Variants in MGAT4C observed in about 807,000 individuals in gnomAD.
MGAT4C encodes the protein MGAT4 family member C, also known as alpha-1,3-mannosyl-glycoprotein 4-beta-N-acetylglucosaminyltransferase C.
A neutral mutation model predicts 40.1 loss-of-function variants in MGAT4C; 19 were observed. That is an observed-to-expected ratio of 0.47 (90% CI 0.33 to 0.70). The LOEUF is 0.70. MGAT4C is among the 30% of genes least tolerant of loss of function. The probability of loss-of-function intolerance (pLI) is 0.02; values close to 1 mark genes in which losing one functional copy is unlikely to be tolerated. For synonymous variants in MGAT4C, 181 were observed against 187.1 expected (o/e 0.97, Z 0.27); for missense variants, 491 against 563.2 (o/e 0.87, Z 1.30).
intron 3 of MGAT4C, among the ~76,000 whole-genome samples, chr12:86,388,746 A>G (rs1956111183): frequency 7.5e-6 from 1 of 133,170 alleles, no homozygotes; most frequent in South Asian, 2.3e-4. Context: ...CAGTGGTATG[A>G]TCTTGGCTCA....
chr12:86,423,148 T>C (rs1956860451), intron 3 of MGAT4C, among the ~76,000 whole-genome samples: 1 of 152,134 alleles, frequency 6.6e-6, no homozygotes, highest in Non-Finnish European at 1.5e-5. Context: ...AAATTATTCT[T>C]AATTTTATTA....
At chr12:86,292,135 A>G (rs1055886897) in intron 4 of MGAT4C, among the ~76,000 whole-genome samples, 2 of 152,184 alleles carry the variant, frequency 1.3e-5, no homozygotes, top group Non-Finnish European at 2.9e-5. Context: ...GGAAGGAATT[A>G]GCAACAGATG....
rs111580766 is a variant in MGAT4C at position 86,061,705 on chromosome 12, T to C, written c.-56-11982A>G. On this transcript the variant is annotated intron_variant, in intron 1 of 4. Transcript: ENST00000611864. ...TGGTGAGGGAAGGGGCATCCGCCAT[T>C]ACTGAGGCTTGAGTAGGCAGTTTTA... Among the ~76,000 whole-genome samples the C allele has an allele frequency of 3.6e-3, 543 of 152,218 alleles. 3 individuals carry two copies. The highest frequency in any genetic ancestry group is 0.013 in the African/African-American group (520 of 41,566).
intron 1 of MGAT4C, among the ~76,000 whole-genome samples, chr12:86,216,884 A>T (rs1047912021): frequency 6.6e-6 from 1 of 152,182 alleles, no homozygotes; most frequent in Admixed American, 6.5e-5. Flanking sequence ...TTTGTATTAC[A>T]AATTTTTTTT....
chr12:86,500,563 T>G (rs1958322878), intron 2 of MGAT4C, among the ~76,000 whole-genome samples: 1 of 151,972 alleles, frequency 6.6e-6, no homozygotes, highest in Non-Finnish European at 1.5e-5. Context: ...CTTTATTTAT[T>G]AAATACATTA....
chr12:86,316,198 C>A (rs987805233), intron 4 of MGAT4C, among the ~76,000 whole-genome samples: 1 of 149,592 alleles, frequency 6.7e-6, no homozygotes, highest in Non-Finnish European at 1.5e-5. Flanking sequence ...ATGGCCATCA[C>A]TAAAATGTCA....
chr12:86,599,158 C>T (rs573387848), intron 2 of MGAT4C, among the ~76,000 whole-genome samples: 4 of 152,098 alleles, frequency 2.6e-5, no homozygotes, highest in Non-Finnish European at 5.9e-5. Flanking sequence ...TATTTATCAA[C>T]CTTAGAAGCT....
At chr12:86,551,332 G>A (rs11103988) in intron 2 of MGAT4C, among the ~76,000 whole-genome samples, 8,370 of 152,248 alleles carry the variant, frequency 0.055, 355 homozygotes, top group East Asian at 0.19. Flanking sequence ...CAGCCAAGCA[G>A]CCTTGCACAT....
intron 3 of MGAT4C, among the ~76,000 whole-genome samples, chr12:86,391,717 G>T (rs1235845020): frequency 6.6e-6 from 1 of 152,056 alleles, no homozygotes; most frequent in African/African-American, 2.4e-5. Context: ...AAAATTAGCT[G>T]GGCATGGTGG....
chr12:86,276,797 T>C (rs1350796449), intron 4 of MGAT4C, among the ~76,000 whole-genome samples: 2 of 152,200 alleles, frequency 1.3e-5, no homozygotes, highest in African/African-American at 4.8e-5. Context: ...GCTACTCCAT[T>C]GTGTATACAT....
chr12:86,552,026 C>CAAAAAAAAAAAAA (rs201076856), intron 2 of MGAT4C, among the ~76,000 whole-genome samples: 7 of 60,656 alleles, frequency 1.2e-4, no homozygotes, highest in Non-Finnish European at 2.4e-4. Flanking sequence ...TTAAAAAAAG[C>CAAAAAAAAAAAAA]AAAAAAAAAA....
At chr12:86,462,742 T>C (rs755730866) in intron 2 of MGAT4C, among the ~76,000 whole-genome samples, 1 of 151,810 alleles carries the variant, frequency 6.6e-6, no homozygotes, top group Non-Finnish European at 1.5e-5. Context: ...GAACTTAGAG[T>C]CTGATGTTTG....
intron 3 of MGAT4C, among the ~76,000 whole-genome samples, chr12:86,375,586 C>T (rs1231941304): frequency 6.6e-6 from 1 of 151,742 alleles, no homozygotes; most frequent in Non-Finnish European, 1.5e-5. Context: ...CAAATTCTTC[C>T]AAACTAGGAT....
rs117558092 is a variant in MGAT4C at position 85,993,909 on chromosome 12, G to C, written c.-6-4357C>G. ...CCAGGTAGTGGAGGCCAGTGCCTAC[G>C]CAGGCACCCCTGAGCCTGTGTAGAT... On this transcript the variant is annotated intron_variant, in intron 2 of 4. Transcript: ENST00000611864. 2.2e-3 allele frequency among the ~76,000 whole-genome samples: 339 copies of C among 152,276 alleles called. 2 individuals are homozygous for C. The highest frequency in any genetic ancestry group is 1.8e-3 in the Non-Finnish European group (121 of 68,012).
intron 1 of MGAT4C, among the ~76,000 whole-genome samples, chr12:86,786,038 A>G (rs1230588977): frequency 6.6e-6 from 1 of 152,058 alleles, no homozygotes; most frequent in Non-Finnish European, 1.5e-5. Flanking sequence ...TCCCCGTTAC[A>G]GCAATTCTAT....
chr12:86,403,370 T>C (rs1199025835), intron 3 of MGAT4C, among the ~76,000 whole-genome samples: 2 of 152,184 alleles, frequency 1.3e-5, no homozygotes, highest in African/African-American at 2.4e-5. Flanking sequence ...TAAGGAAAAA[T>C]ATATGCAAAT....
At chr12:86,285,363 G>A (rs1376617853) in intron 4 of MGAT4C, among the ~76,000 whole-genome samples, 3 of 151,942 alleles carry the variant, frequency 2.0e-5, no homozygotes, top group East Asian at 3.9e-4. Context: ...GTTCACCACC[G>A]TGTATCCAGT....
At chr12:86,633,198 A>T (rs942625598) in intron 2 of MGAT4C, among the ~76,000 whole-genome samples, 4 of 152,048 alleles carry the variant, frequency 2.6e-5, no homozygotes, top group Admixed American at 2.6e-4. Context: ...ATAATAGAAG[A>T]TTAGAGATAA....
At position 85,980,116 on chromosome 12, in the gene MGAT4C, C is replaced by T. The variant is rs748989192; in HGVS notation, c.610G>A (p.Val204Ile). The T allele has an allele frequency of 1.9e-6, 3 of 1,613,676 alleles. No individual in the cohort carries two copies. The highest frequency in any genetic ancestry group is 1.7e-6 in the Non-Finnish European group (2 of 1,179,680). ...DRVKFRSKQN[V>I]DYAFLLNFCA... ...AAATTAAGCAGAAAAGCATAATCTA[C>T]ATTTTGCTTGGAACGAAATTTGACT... The change falls in exon 5 of 5, where the codon GTA becomes ATA. Residue 204 changes from valine to isoleucine, a missense_variant. Coordinates refer to ENST00000611864, the MANE Select transcript of MGAT4C (RefSeq NM_001351288.2).
Sources: allele counts gnomAD v4.1 joint callset (sites outside exome capture counted in the v4.1 genomes callset), GRCh38; gene constraint gnomAD v4.1.1; transcripts MANE v1.5; gene names NCBI Gene and HGNC (gene_info 2026-07-23, HGNC 2026-07-21).